CNGB3: variants seen among roughly 807,000 people sequenced by gnomAD.
CNGB3 encodes cyclic nucleotide-gated channel beta-3.
A neutral mutation model predicts 92.8 loss-of-function variants in CNGB3; 86 were observed. That is an observed-to-expected ratio of 0.93 (90% CI 0.78 to 1.11). The LOEUF (loss-of-function observed/expected upper bound fraction) is 1.11. Ranked by LOEUF, CNGB3 falls within the 50% of genes least tolerant of loss-of-function variation. The probability of loss-of-function intolerance (pLI) is 0.00; values close to 1 mark genes in which losing one functional copy is unlikely to be tolerated. For synonymous variants in CNGB3, 333 were observed against 332.7 expected, an observed-to-expected ratio of 1.00 and a Z score of -0.01; for missense variants, 1,026 against 956.8, an observed-to-expected ratio of 1.07 and a Z score of -0.95.
chr8:86,583,579 C>G (rs1821833618), intron 15 of CNGB3, among the ~76,000 whole-genome samples: 1 of 152,090 alleles, frequency 6.6e-6, no homozygotes, highest in African/African-American at 2.4e-5. Flanking sequence ...GGCCACTTAC[C>G]TGCACCTAGC....
intron 12 of CNGB3, among the ~76,000 whole-genome samples, chr8:86,626,339 T>G (rs1276875648): frequency 6.6e-6 from 1 of 152,238 alleles, no homozygotes; most frequent in Non-Finnish European, 1.5e-5. Flanking sequence ...AACATTATGC[T>G]TGCTGAAACT....
At chr8:86,591,561 C>T (rs1240260886) in intron 15 of CNGB3, among the ~76,000 whole-genome samples, 1 of 150,686 alleles carries the variant, frequency 6.6e-6, no homozygotes, top group Admixed American at 6.6e-5. Flanking sequence ...TTCTAACAGA[C>T]AGGACCCTCA....
At chr8:86,687,746 T>TA (rs1207184842) in intron 3 of CNGB3, among the ~76,000 whole-genome samples, 2 of 151,990 alleles carry the variant, frequency 1.3e-5, no homozygotes, top group African/African-American at 4.8e-5. Context: ...ATCCACTCAA[T>TA]AAACACTTCT....
rs558576375 is a variant in CNGB3 at position 86,702,561 on chromosome 8, T to G, written c.338+23970A>C. Among the ~76,000 whole-genome samples the G allele has an allele frequency of 2.6e-5, 4 of 152,306 alleles. No homozygotes were observed. The East Asian group carries it at 7.7e-4, about 29-fold the overall frequency. ...TCTAAGAATCCTGATACCTACTCAT[T>G]GGTTTTCTAAAGAAGTATCATTAAC... On this transcript the variant is annotated intron_variant, in intron 3 of 17. Transcript: ENST00000320005.
At chr8:86,689,765 A>T (rs1824269593) in intron 3 of CNGB3, among the ~76,000 whole-genome samples, 1 of 151,408 alleles carries the variant, frequency 6.6e-6, no homozygotes, top group African/African-American at 2.4e-5. Context: ...CCTGTGTCCA[A>T]GTGTTCTCAT....
chr8:86,706,599 T>G (rs1824656953), intron 3 of CNGB3, among the ~76,000 whole-genome samples: 1 of 152,216 alleles, frequency 6.6e-6, no homozygotes, highest in South Asian at 2.1e-4. Context: ...GCTGTGTCCC[T>G]CAGCCTGATA....
At chr8:86,623,868 A>C (rs770220206) in intron 13 of CNGB3, among the ~76,000 whole-genome samples, 1 of 152,120 alleles carries the variant, frequency 6.6e-6, no homozygotes, top group Non-Finnish European at 1.5e-5. Context: ...AACAGGAAAA[A>C]CTATGGGCTT....
In CNGB3 at chr8:86,729,992, T is replaced by G. The variant is rs77146355; in HGVS notation, c.212-3335A>C. Among the ~76,000 whole-genome samples, 1,276 of 152,324 alleles carry G rather than the reference T, an allele frequency of 8.4e-3. 16 individuals are homozygous for G. The highest frequency in any genetic ancestry group is 0.029 in the African/African-American group (1,209 of 41,576). On this transcript the variant is annotated intron_variant, in intron 2 of 17. Transcript: ENST00000320005. ...CACTTGGTCAAATTCTTCCCTGGAA[T>G]GTGTACCTGTGGCAGATAGTGAAAT...
intron 4 of CNGB3, 85 bp from the exon 5 acceptor site, chr8:86,668,253 G>A (rs909745687): frequency 1.1e-5 from 15 of 1,348,994 alleles, no homozygotes; most frequent in South Asian, 7.1e-5. Flanking sequence ...ACCAAACACC[G>A]CATGTTCTCA....
intron 6 of CNGB3, chr8:86,657,525 G>T: frequency 2.0e-6 from 1 of 496,314 alleles, no homozygotes; most frequent in Admixed American, 2.1e-5. Flanking sequence ...GGATTGTCAT[G>T]GGGAGAACCC....
At chr8:86,638,813 G>A (rs558084506) in intron 10 of CNGB3, among the ~76,000 whole-genome samples, 211 of 151,518 alleles carry the variant, frequency 1.4e-3, no homozygotes, top group Admixed American at 3.4e-3. Flanking sequence ...CTGATCCACT[G>A]ATTCTTTGCT....
chr8:86,705,817 C>T (rs1792653719), intron 3 of CNGB3, among the ~76,000 whole-genome samples: 1 of 152,092 alleles, frequency 6.6e-6, no homozygotes, highest in Non-Finnish European at 1.5e-5. Context: ...GTATTTGCAC[C>T]AATGCATGGA....
intron 3 of CNGB3, among the ~76,000 whole-genome samples, chr8:86,720,460 C>T (rs1824945449): frequency 6.6e-6 from 1 of 152,156 alleles, no homozygotes; most frequent in Non-Finnish European, 1.5e-5. Flanking sequence ...TACCACCTCA[C>T]TCCTGCAATA....
At chr8:86,709,574 T>G (rs1824712019) in intron 3 of CNGB3, among the ~76,000 whole-genome samples, 1 of 152,196 alleles carries the variant, frequency 6.6e-6, no homozygotes, top group Non-Finnish European at 1.5e-5. Flanking sequence ...GGACTGTTAC[T>G]TGTCTCAGCA....
intron 4 of CNGB3, among the ~76,000 whole-genome samples, chr8:86,670,508 G>A (rs1048611195): frequency 2.0e-5 from 3 of 152,184 alleles, no homozygotes; most frequent in African/African-American, 7.2e-5. Flanking sequence ...TAATTTTCAA[G>A]TATGAGCCAC....
intron 3 of CNGB3, among the ~76,000 whole-genome samples, chr8:86,722,694 G>T (rs2131668549): frequency 6.6e-6 from 1 of 152,298 alleles, no homozygotes; most frequent in African/African-American, 2.4e-5. Flanking sequence ...ATAGAGCAAA[G>T]AAGCTGACTC....
chr8:86,671,805 A>G (rs1050816674), intron 3 of CNGB3, among the ~76,000 whole-genome samples: 1 of 152,110 alleles, frequency 6.6e-6, no homozygotes, highest in African/African-American at 2.4e-5. Context: ...ACCTGAATGA[A>G]CTTGGAAGTA....
At chr8:86,661,183 T>C (rs1388450635) in intron 6 of CNGB3, 1 of 255,216 alleles carries the variant, frequency 3.9e-6, no homozygotes, top group East Asian at 9.8e-5. Flanking sequence ...AACAGTTTCT[T>C]AAAAGACATG....
chr8:86,731,413 T>G (rs1358493127), intron 2 of CNGB3, among the ~76,000 whole-genome samples: 1 of 152,166 alleles, frequency 6.6e-6, no homozygotes, highest in African/African-American at 2.4e-5. Flanking sequence ...TAGGAAGATT[T>G]TTGACTTTAG....
Sources: allele counts gnomAD v4.1 joint callset (sites outside exome capture counted in the v4.1 genomes callset), GRCh38; gene constraint gnomAD v4.1.1; transcripts MANE v1.5; gene names NCBI Gene and HGNC (gene_info 2026-07-23, HGNC 2026-07-21).